TECPR1: variants seen among roughly 807,000 people sequenced by gnomAD.
TECPR1 encodes the protein tectonin beta-propeller repeat containing 1, also known as tectonin beta-propeller repeat-containing protein 1.
Under a neutral mutation model 162.4 loss-of-function variants are expected in TECPR1, and 122 were observed. That is an observed-to-expected ratio of 0.75 (90% CI 0.65 to 0.87). The LOEUF is 0.87. Among genes scored for constraint, TECPR1 ranks in the 40% least tolerant of loss-of-function variants. The probability of loss-of-function intolerance (pLI) is 0.00; values close to 1 mark genes in which losing one functional copy is unlikely to be tolerated. For missense variants in TECPR1, 1,432 were observed against 1,618.2 expected (o/e 0.88, Z 1.97); for synonymous variants, 642 against 670.6 (o/e 0.96, Z 0.66).
chr7:98,238,798 G>A lies in TECPR1; in HGVS notation c.934-188C>T, dbSNP rs558292682. Among the ~76,000 whole-genome samples the A allele has an allele frequency of 2.2e-4, 33 of 152,278 alleles. No homozygotes were observed. The South Asian group carries it at 3.3e-3, about 15-fold the overall frequency. ...ACGCCGCTCTTCCCACACCCTGACCGCATCTCCTGTGCCTGGCACTGTCCC... is the reference window on the plus strand; with the variant it reads ...ACGCCGCTCTTCCCACACCCTGACCACATCTCCTGTGCCTGGCACTGTCCC... On this transcript the variant is annotated intron_variant, in intron 8 of 25. Coordinates refer to ENST00000447648, the MANE Select transcript of TECPR1 (RefSeq NM_015395.3).
At position 98,216,624 on chromosome 7, in the gene TECPR1, T is replaced by G. The variant is rs956796943; in HGVS notation, c.*766A>C. 19 of 148,026 alleles carry G rather than the reference T, an allele frequency of 1.3e-4. No individual in the cohort carries two copies. The highest frequency in any genetic ancestry group is 4.8e-4 in the African/African-American group (19 of 39,924). 9.2% of individuals were successfully genotyped at this position (148,026 alleles called of 1,614,324 possible). A position where few individuals can be genotyped will look rare whatever the true frequency, so the allele number is the denominator to read the frequency against. On this transcript the variant is annotated 3_prime_UTR_variant, in exon 26 of 26. Coordinates refer to ENST00000447648, the MANE Select transcript of TECPR1 (RefSeq NM_015395.3). The stretch of plus-strand genomic sequence containing the variant: ...CAGGCTGGAGTGCAGTGGCATGATC[T>G]CGGCTCACTGCAGCCTCCGCCTCCC...
At chr7:98,223,598 GCT>G (rs1798199302) in intron 20 of TECPR1, 62 bp downstream of exon 20, 2 of 1,572,458 alleles carry the variant, frequency 1.3e-6, no homozygotes, top group East Asian at 4.5e-5. Context: ...GGGAACCAGA[GCT>G]CCCTCAAGGG....
intron 10 of TECPR1, among the ~76,000 whole-genome samples, chr7:98,235,849 A>AAAAAAACAC: frequency 1.8e-5 from 2 of 110,258 alleles, no homozygotes; most frequent in African/African-American, 6.2e-5. Context: ...AAAAAAAAAA[A>AAAAAAACAC]AACACCATCT....
At chr7:98,223,635 G>C in intron 20 of TECPR1, 27 bp downstream of exon 20, 1 of 1,613,094 alleles carries the variant, frequency 6.2e-7, no homozygotes, top group Non-Finnish European at 8.5e-7. Context: ...GCCTGACCGT[G>C]ACAGTCACCC....
At chr7:98,226,438 C>T in intron 17 of TECPR1, 1 of 985,444 alleles carries the variant, frequency 1.0e-6, no homozygotes, top group African/African-American at 1.7e-5. Context: ...TGGGTCCACT[C>T]TGGGTACAGA....
intron 5 of TECPR1, 79 bp downstream of exon 5, chr7:98,244,492 G>C (rs914427390): frequency 6.6e-7 from 1 of 1,522,002 alleles, no homozygotes; most frequent in South Asian, 1.3e-5. Context: ...CACACAGGTG[G>C]GGAAGGTGGA....
chr7:98,241,167 C>T lies in TECPR1; in HGVS notation c.735G>A (p.Val245=). 6.2e-7 allele frequency: 1 copy of T among 1,612,902 alleles called. No homozygotes were observed. Among genetic ancestry groups the T allele is most frequent in the Non-Finnish European group, 8.5e-7 (1 of 1,179,844 alleles). The change falls in exon 7 of 26, where the codon GTG becomes GTA. Residue 245 remains valine, a synonymous_variant. Coordinates refer to ENST00000447648, the MANE Select transcript of TECPR1 (RefSeq NM_015395.3). The surrounding 1 kb of genome is among the most constrained non-coding windows in gnomAD (Gnocchi z 5.0). ...SWSLLDTPGE[V]VQISCGPHDL... is the part of the protein sequence containing the mutation. ...CGTGGGGCCCACAGCTGATCTGAACCACCTCCCCGGGGGTGTCCAGCAGGG... is the reference window on the plus strand; with the variant it reads ...CGTGGGGCCCACAGCTGATCTGAACTACCTCCCCGGGGGTGTCCAGCAGGG...
At chr7:98,222,852 C>T (rs945188289) in intron 21 of TECPR1, 138 bp downstream of exon 21, 5 of 1,214,066 alleles carry the variant, frequency 4.1e-6, no homozygotes, top group Admixed American at 2.0e-5. Context: ...GCCAACTGCC[C>T]CAGGGCACAG....
At position 98,241,332 on chromosome 7, in the gene TECPR1, C is replaced by G; in HGVS notation, c.658-88G>C. The G allele has an allele frequency of 5.9e-6, 9 of 1,515,556 alleles. No homozygotes were observed. Among genetic ancestry groups the G allele is most frequent in the Admixed American group, 1.8e-5 (1 of 55,024 alleles). 93.9% of individuals were successfully genotyped at this position (1,515,556 alleles called of 1,614,324 possible). A position where few individuals can be genotyped will look rare whatever the true frequency, so the allele number is the denominator to read the frequency against. ...GTCTCGGTGTGGTAGGGGGTAGGAC[C>G]CATGTCCCCTGACCGTCCAGATCTC... On this transcript the variant is annotated intron_variant, in intron 6 of 25. Transcript: ENST00000447648. This position sits in a 1 kb window ranked among gnomAD's most constrained non-coding sequence, Gnocchi z 5.0.
rs535248783 is a variant in TECPR1 at position 98,217,252 on chromosome 7, C to T, written c.*138G>A. 3.0e-5 allele frequency: 19 copies of T among 632,546 alleles called. No individual in the cohort carries two copies. The highest frequency in any genetic ancestry group is 1.3e-4 in the African/African-American group (7 of 54,366). The allele number at this position is 632,546 out of a possible 1,614,324, so 39.2% of individuals were successfully genotyped here. On this transcript the variant is annotated 3_prime_UTR_variant, in exon 26 of 26. Coordinates refer to ENST00000447648, the MANE Select transcript of TECPR1 (RefSeq NM_015395.3). Reference sequence around the variant, plus strand: ...TCTCAGCCAGTGCCTCTGAAGTGGCCGCAGCCTTGGGGCCAGGTTCCCTCC... The same window carrying T: ...TCTCAGCCAGTGCCTCTGAAGTGGCTGCAGCCTTGGGGCCAGGTTCCCTCC...
At chr7:98,236,602 G>A (rs1007957601) in intron 10 of TECPR1, among the ~76,000 whole-genome samples, 174 bp downstream of exon 10, 1 of 151,516 alleles carries the variant, frequency 6.6e-6, no homozygotes, top group Admixed American at 6.6e-5. Flanking sequence ...CTGTGGGACC[G>A]AGGCAGGAGG....
At chr7:98,222,582 C>T in intron 21 of TECPR1, 61 bp from the exon 22 acceptor site, 2 of 1,530,314 alleles carry the variant, frequency 1.3e-6, no homozygotes, top group Non-Finnish European at 1.8e-6. Flanking sequence ...GGCCCCACCT[C>T]CAGGACCAGC....
intron 16 of TECPR1, 59 bp from the exon 17 acceptor site, chr7:98,228,175 CT>C: frequency 7.5e-7 from 1 of 1,339,504 alleles, no homozygotes; most frequent in Non-Finnish European, 1.1e-6. Context: ...GGGACTCTGG[CT>C]TTCCGTCTGA....
chr7:98,243,699 C>T, intron 5 of TECPR1, 107 bp from the exon 6 acceptor site: 1 of 1,383,120 alleles, frequency 7.2e-7, no homozygotes, highest in Non-Finnish European at 9.7e-7. Context: ...TTCAGCCCAG[C>T]CTGCAGCTGC....
intron 10 of TECPR1, among the ~76,000 whole-genome samples, chr7:98,234,443 C>T (rs556422923): frequency 2.6e-5 from 4 of 152,154 alleles, no homozygotes; most frequent in East Asian, 3.9e-4. Context: ...CGTGAGCCAC[C>T]GCGCCCGATC....
intron 22 of TECPR1, 45 bp from the exon 23 acceptor site, chr7:98,221,798 G>T (rs760004830): frequency 6.6e-7 from 1 of 1,515,594 alleles, no homozygotes; most frequent in Non-Finnish European, 9.1e-7. Context: ...TCTCCTCCTT[G>T]CATGGGCCAG....
In TECPR1 at chr7:98,229,069, T is replaced by C; in HGVS notation, c.2380A>G (p.Thr794Ala). Residue 794 changes from threonine to alanine, a missense_variant, in exon 16 of 26, where the codon ACA becomes GCA. Thr to Ala is a moderately conservative substitution (Grantham distance 58, BLOSUM62 0). Coordinates refer to ENST00000447648, the MANE Select transcript of TECPR1 (RefSeq NM_015395.3). ...IGYDHTAWVY[T>A]GGYGGGCFQG... ...AAGCAGCCGCCTCCATAGCCGCCTG[T>C]GTATACCCAGGCCGTGTGGTCATAG... 2 of 1,595,740 alleles carry C rather than the reference T, an allele frequency of 1.3e-6. No homozygotes were observed. Among genetic ancestry groups the C allele is most frequent in the Non-Finnish European group, 1.7e-6 (2 of 1,171,954 alleles).
Position 98,233,754 on chromosome 7 carries a change from C to T in TECPR1, c.1339G>A (p.Gly447Ser). 1 of 1,612,748 alleles carries T rather than the reference C, an allele frequency of 6.2e-7. No homozygotes were observed. The highest frequency in any genetic ancestry group is 8.5e-7 in the Non-Finnish European group (1 of 1,179,820). ...SKNATGNSAS[G>S]LGAGRTAEDT... ...TCTGCGGTCCTGCCAGCCCCCAGGC[C>T]TGAGGCTGAGTTCCCTGTGGCATTC... The change falls in exon 11 of 26, where the codon GGC becomes AGC. Residue 447 changes from glycine to serine, a missense_variant. Gly to Ser is a moderately conservative substitution (Grantham distance 56, BLOSUM62 0). Transcript: ENST00000447648.
At chr7:98,217,540 G>A (rs765229018) in intron 25 of TECPR1, 37 bp from the exon 26 acceptor site, 3 of 1,458,076 alleles carry the variant, frequency 2.1e-6, no homozygotes, top group East Asian at 2.7e-5. Flanking sequence ...GGGACTCGGG[G>A]ACTCGAGGAT....
Sources: gnomAD v4.1 joint callset for allele counts (sites outside exome capture counted in the v4.1 genomes callset) on GRCh38, gnomAD v4.1.1 for gene constraint, Gnocchi (gnomAD v3.1) non-coding constraint, MANE v1.5 for transcripts, NCBI Gene and HGNC (gene_info 2026-07-23, HGNC 2026-07-21) for gene names.